MAP3K10: variants seen among roughly 807,000 people sequenced by gnomAD.
The protein encoded by MAP3K10 is mitogen-activated protein kinase kinase kinase 10.
MAP3K10 carries 22 observed loss-of-function variants against 75.0 expected under a neutral mutation model. The ratio of observed to expected loss-of-function variants is 0.29; its 90% CI spans 0.21 to 0.42. The LOEUF is 0.42. MAP3K10 is among the 10% of genes least tolerant of loss of function. The pLI, the probability that MAP3K10 is intolerant of heterozygous loss-of-function variation, is 1.00. For synonymous variants in MAP3K10, 599 were observed against 612.9 expected (o/e 0.98, Z 0.34); for missense variants, 1,165 against 1,379.8 (o/e 0.84, Z 2.47).
intron 5 of MAP3K10, 76 bp downstream of exon 5, chr19:40,206,233 T>C (rs1599909314): frequency 6.7e-7 from 1 of 1,493,582 alleles, no homozygotes; most frequent in Non-Finnish European, 9.0e-7. Flanking sequence ...ATCTCTTCCT[T>C]TTCTTTTTCA....
Position 40,213,895 on chromosome 19 carries a change from GCCTGGCGCCCTCGGCCAC to G in MAP3K10, c.2220_2237del (p.Ala741_Leu746del). On this transcript the variant is annotated inframe_deletion, in exon 9 of 10. Transcript: ENST00000253055. This position sits in a 1 kb window ranked among gnomAD's most constrained non-coding sequence, Gnocchi z 5.7. Reference sequence around the variant, plus strand: ...CGCGAAGACGTGGGCCCCGGCCTGGGCCTGGCGCCCTCGGCCACCCTCGTGTCGCTGTCGTCCGTGTCC... The same window carrying G: ...CGCGAAGACGTGGGCCCCGGCCTGGGCCTCGTGTCGCTGTCGTCCGTGTCC... The G allele has an allele frequency of 6.7e-7, 1 of 1,496,780 alleles. No individual in the cohort carries two copies. The highest frequency in any genetic ancestry group is 1.3e-5 in the South Asian group (1 of 79,732). The allele number at this position is 1,496,780 out of a possible 1,614,324, so 92.7% of individuals were successfully genotyped here.
intron 1 of MAP3K10, among the ~76,000 whole-genome samples, chr19:40,194,357 CA>C (rs200148561): frequency 4.7e-4 from 66 of 140,100 alleles, no homozygotes; most frequent in African/African-American, 6.5e-4. Context: ...GATTCCATCG[CA>C]AAAAAAAAAA....
At position 40,198,460 on chromosome 19, in the gene MAP3K10, C is replaced by T. The variant is rs756886704; in HGVS notation, c.768C>T (p.His256=). ...ACTTCGGCCTCGCCCGCGAGTGGCA[C>T]AAGACCACCAAGATGAGCGCTGCGG... The part of the protein sequence containing the change: ...ITDFGLAREW[H]KTTKMSAAGT... The change falls in exon 2 of 10, where the codon CAC becomes CAT. Residue 256 remains histidine (H), a synonymous_variant. Transcript: ENST00000253055. The surrounding 1 kb of genome is among the most constrained non-coding windows in gnomAD (Gnocchi z 4.3). 8 of 1,614,048 alleles carry T rather than the reference C, an allele frequency of 5.0e-6. No individual in the cohort carries two copies. Among genetic ancestry groups the T allele is most frequent in the Non-Finnish European group, 6.8e-6 (8 of 1,180,028 alleles).
rs185809814 is a variant in MAP3K10 at position 40,200,658 on chromosome 19, G to A, written c.863+2103G>A. Among the ~76,000 whole-genome samples the A allele has an allele frequency of 5.3e-4, 61 of 115,868 alleles. 1 individual carries two copies. The South Asian group carries it at 8.8e-3, about 17-fold the overall frequency. The allele number at this position is 115,868 out of a possible 152,430, so 76.0% of individuals were successfully genotyped here. ...TTTTGGGACAGAGTCTCACTCTGCC[G>A]CCCAGGCTGGAGTGCAATGGCACAA... On this transcript the variant is annotated intron_variant, in intron 2 of 9. Transcript: ENST00000253055.
Position 40,214,009 on chromosome 19 carries a change from C to T in MAP3K10, c.2330C>T (p.Pro777Leu). The T allele has an allele frequency of 1.0e-5, 15 of 1,480,562 alleles. No individual in the cohort carries two copies. Among genetic ancestry groups the T allele is most frequent in the Non-Finnish European group, 1.3e-5 (15 of 1,113,686 alleles). The allele number at this position is 1,480,562 out of a possible 1,614,324, so 91.7% of individuals were successfully genotyped here. ...DEAAPAAPSP[P>L]PSPPAPTPTP... ...GCCGCACCGGCCGCGCCCTCCCCAC[C>T]ACCCTCCCCGCCCGCGCCCACACCC... Residue 777 changes from proline to leucine, a missense_variant, in exon 9 of 10, where the codon CCA becomes CTA. This residue lies in a region of MAP3K10 where 590 missense variants were observed against 586.6 expected (regional missense o/e 1.01). Transcript: ENST00000253055.
chr19:40,193,352 A>G (rs888021147), intron 1 of MAP3K10, among the ~76,000 whole-genome samples: 3 of 152,236 alleles, frequency 2.0e-5, no homozygotes, highest in African/African-American at 7.2e-5. Flanking sequence ...CAAACTGGAA[A>G]AGATGAGGGA....
chr19:40,193,845 G>T (rs369764384), intron 1 of MAP3K10, among the ~76,000 whole-genome samples: 5 of 152,140 alleles, frequency 3.3e-5, no homozygotes, highest in African/African-American at 9.7e-5. Context: ...CGGCCCTCAC[G>T]TCACTCACAG....
rs904008594 is a variant in MAP3K10 at position 40,213,440 on chromosome 19, G to A, written c.1838-77G>A. 5.1e-6 allele frequency: 8 copies of A among 1,564,614 alleles called. No individual in the cohort carries two copies. Among genetic ancestry groups the A allele is most frequent in the African/African-American group, 1.4e-5 (1 of 73,638 alleles). On this transcript the variant is annotated intron_variant, in intron 8 of 9. Coordinates refer to ENST00000253055, the MANE Select transcript of MAP3K10 (RefSeq NM_002446.4). This position sits in a 1 kb window ranked among gnomAD's most constrained non-coding sequence, Gnocchi z 5.7. ...GGTCTTGCTGTTGGAGGGGTCATCG[G>A]GGGCTGTCCCTTGGCACAAGTCCCC...
rs1279619309 is a variant in MAP3K10 at position 40,204,570 on chromosome 19, A to G, written c.949A>G (p.Met317Val). The G allele has an allele frequency of 6.8e-6, 11 of 1,613,854 alleles. No individual in the cohort carries two copies. Among genetic ancestry groups the G allele is most frequent in the Admixed American group, 1.7e-5 (1 of 59,992 alleles). The change falls in exon 3 of 10, where the codon ATG (methionine) becomes GTG (valine). Residue 317 changes from methionine to valine, a missense_variant. By Grantham distance (21) the Met-to-Val change is conservative. Coordinates refer to ENST00000253055, the MANE Select transcript of MAP3K10 (RefSeq NM_002446.4). This position sits in a 1 kb window ranked among gnomAD's most constrained non-coding sequence, Gnocchi z 4.3. ...DALAVAYGVAMNKLTLPIPST... is the reference protein window; with the variant it reads ...DALAVAYGVAVNKLTLPIPST... ...CTTGGCCGTGGCGTATGGCGTGGCT[A>G]TGAATAAGCTGACGCTGCCCATTCC...
At chr19:40,206,695 G>T (rs1179860031) in intron 5 of MAP3K10, among the ~76,000 whole-genome samples, 1 of 152,132 alleles carries the variant, frequency 6.6e-6, no homozygotes, top group Non-Finnish European at 1.5e-5. Context: ...CTTTCTACCT[G>T]CCCCTCCAGA....
At chr19:40,207,341 G>T (rs986433976) in intron 5 of MAP3K10, among the ~76,000 whole-genome samples, 2 of 152,194 alleles carry the variant, frequency 1.3e-5, no homozygotes, top group Middle Eastern at 3.4e-3. Context: ...GCCTTAAGCA[G>T]CAGTGGCCAG....
intron 2 of MAP3K10, among the ~76,000 whole-genome samples, chr19:40,200,731 G>A (rs1973002558): frequency 1.4e-5 from 2 of 145,488 alleles, no homozygotes; most frequent in African/African-American, 5.0e-5. Context: ...TGATTCTTGT[G>A]CCTCAGCCTC....
chr19:40,213,010 C>T lies in MAP3K10; in HGVS notation c.1724+34C>T. The T allele has an allele frequency of 6.3e-7, 1 of 1,592,106 alleles. No homozygotes were observed. The highest frequency in any genetic ancestry group is 1.7e-4 in the Middle Eastern group (1 of 5,944). ...TGGTGTGGTCATGCCCACCCTGTGC[C>T]CAAGCCCCAGCTCCCAGGCTCCAGG... On this transcript the variant is annotated intron_variant, in intron 7 of 9. Coordinates refer to ENST00000253055, the MANE Select transcript of MAP3K10 (RefSeq NM_002446.4). The surrounding 1 kb of genome is among the most constrained non-coding windows in gnomAD (Gnocchi z 5.7).
intron 2 of MAP3K10, among the ~76,000 whole-genome samples, chr19:40,199,564 A>G (rs1197500939): frequency 6.6e-6 from 1 of 152,178 alleles, no homozygotes; most frequent in Non-Finnish European, 1.5e-5. Context: ...AAAGAGGCCC[A>G]TGTGGCTGCC....
chr19:40,207,742 T>A (rs770577739), intron 5 of MAP3K10, among the ~76,000 whole-genome samples: 2 of 152,062 alleles, frequency 1.3e-5, no homozygotes, highest in Non-Finnish European at 1.5e-5. Flanking sequence ...TCTCAAAAAA[T>A]ATATATATTT....
In MAP3K10 at chr19:40,215,307, C is replaced by T. The variant is rs1437075535; in HGVS notation, c.*15C>T. On this transcript the variant is annotated 3_prime_UTR_variant, in exon 10 of 10. Transcript: ENST00000253055. Reference sequence around the variant, plus strand: ...GCTCCCACTAAGGCCTGCCCACCACCGCCCGCCTGGGCAGCCATGAATGTA... The same window carrying T: ...GCTCCCACTAAGGCCTGCCCACCACTGCCCGCCTGGGCAGCCATGAATGTA... 2.4e-5 allele frequency: 36 copies of T among 1,531,694 alleles called. No homozygotes were observed. Among genetic ancestry groups the T allele is most frequent in the African/African-American group, 5.5e-5 (4 of 72,432 alleles). The allele number at this position is 1,531,694 out of a possible 1,614,324, so 94.9% of individuals were successfully genotyped here. A position where few individuals can be genotyped will look rare whatever the true frequency, so the allele number is the denominator to read the frequency against.
intron 5 of MAP3K10, among the ~76,000 whole-genome samples, chr19:40,208,364 T>TTTA (rs1973170362): frequency 2.4e-5 from 2 of 84,958 alleles, no homozygotes; most frequent in South Asian, 6.9e-4. Context: ...TTTTTTTTTT[T>TTTA]TTTTTGTATT....
At chr19:40,208,724 C>T (rs1452968838) in intron 5 of MAP3K10, among the ~76,000 whole-genome samples, 2 of 151,458 alleles carry the variant, frequency 1.3e-5, no homozygotes, top group Non-Finnish European at 2.9e-5. Context: ...AGGTTAAACT[C>T]CAATTCCCCC....
At chr19:40,207,331 G>T (rs1400474348) in intron 5 of MAP3K10, among the ~76,000 whole-genome samples, 3 of 152,076 alleles carry the variant, frequency 2.0e-5, no homozygotes, top group Non-Finnish European at 4.4e-5. Context: ...AGAAAGCAGT[G>T]CCTTAAGCAG....
Sources: gnomAD v4.1 joint callset for allele counts (sites outside exome capture counted in the v4.1 genomes callset) on GRCh38, gnomAD v4.1.1 for gene constraint, gnomAD v4.1.1 regional missense constraint, Gnocchi (gnomAD v3.1) non-coding constraint, MANE v1.5 for transcripts, NCBI Gene and HGNC (gene_info 2026-07-23, HGNC 2026-07-21) for gene names.